ATP5PB: variants seen among roughly 807,000 people sequenced by gnomAD.
ATP5PB encodes the protein ATP synthase peripheral stalk subunit b, mitochondrial.
Under a neutral mutation model 34.5 loss-of-function variants are expected in ATP5PB, and 21 were observed. The ratio of observed to expected loss-of-function variants is 0.61; its 90% CI spans 0.43 to 0.88. The LOEUF (loss-of-function observed/expected upper bound fraction) is 0.88. ATP5PB is among the 40% of genes least tolerant of loss of function. The probability of loss-of-function intolerance (pLI) is 0.00; values close to 1 mark genes in which losing one functional copy is unlikely to be tolerated. For missense variants in ATP5PB, 293 were observed against 317.4 expected (o/e 0.92, Z 0.58); for synonymous variants, 108 against 114.1 (o/e 0.95, Z 0.34).
At chr1:111,452,713 G>A (rs1293291778) in intron 2 of ATP5PB, among the ~76,000 whole-genome samples, 3 of 152,208 alleles carry the variant, frequency 2.0e-5, no homozygotes, top group African/African-American at 7.2e-5. Flanking sequence ...TTAAATCAGT[G>A]CTTCTTAGCC....
At chr1:111,455,777 T>C (rs1452256670) in intron 3 of ATP5PB, among the ~76,000 whole-genome samples, 1 of 152,232 alleles carries the variant, frequency 6.6e-6, no homozygotes, top group Admixed American at 6.5e-5. Context: ...GGTATTGTGC[T>C]TAACATTATT....
Position 111,457,312 on chromosome 1 carries a change from AAC to A in ATP5PB, c.513+585_513+586del, listed in dbSNP as rs111663185. Reference sequence around the variant, plus strand: ...TAGGCAACAGAGCAAGACTCTCTCAAACACACACACACACACACACACACACA... The same window carrying A: ...TAGGCAACAGAGCAAGACTCTCTCAAACACACACACACACACACACACACA... On this transcript the variant is annotated intron_variant, in intron 5 of 6. Transcript: ENST00000369722. 5.7e-3 allele frequency among the ~76,000 whole-genome samples: 833 copies of A among 146,368 alleles called. 5 individuals are homozygous for A. The highest frequency in any genetic ancestry group is 0.016 in the African/African-American group (647 of 39,316).
At chr1:111,450,509 C>T (rs1653291534) in intron 2 of ATP5PB, among the ~76,000 whole-genome samples, 1 of 152,128 alleles carries the variant, frequency 6.6e-6, no homozygotes, top group African/African-American at 2.4e-5. Flanking sequence ...ACCTCAATTT[C>T]CTCATCTATA....
At position 111,456,254 on chromosome 1, in the gene ATP5PB, G is replaced by A; in HGVS notation, c.387+5G>A. 6.3e-7 allele frequency: 1 copy of A among 1,578,212 alleles called. No homozygotes were observed. The highest frequency in any genetic ancestry group is 1.9e-5 in the Admixed American group (1 of 52,160). On this transcript the variant is annotated splice_donor_5th_base_variant and intron_variant, in intron 4 of 6. Transcript: ENST00000369722. Reference sequence around the variant, plus strand: ...TTTGCTGATAAACTCAATGAGGTAAGAACCATAAACTTTATTTCCTATTTT... The same window carrying A: ...TTTGCTGATAAACTCAATGAGGTAAAAACCATAAACTTTATTTCCTATTTT...
At position 111,458,884 on chromosome 1, in the gene ATP5PB, GA is replaced by G. The variant is rs560509269; in HGVS notation, c.514-572del. Reference sequence around the variant, plus strand: ...GCCTCAGTTTCCTCACTGCAAAATGGATACAATTATAATAACTATGCCATGG... The same window carrying G: ...GCCTCAGTTTCCTCACTGCAAAATGGTACAATTATAATAACTATGCCATGG... On this transcript the variant is annotated intron_variant, in intron 5 of 6. Coordinates refer to ENST00000369722, the MANE Select transcript of ATP5PB (RefSeq NM_001688.5). 1.2e-3 allele frequency among the ~76,000 whole-genome samples: 178 copies of G among 152,210 alleles called. 1 individual carries two copies. Among genetic ancestry groups the G allele is most frequent in the African/African-American group, 4.0e-3 (167 of 41,498 alleles).
chr1:111,457,179 G>A (rs984763611), intron 5 of ATP5PB, among the ~76,000 whole-genome samples: 2 of 152,138 alleles, frequency 1.3e-5, no homozygotes, highest in Non-Finnish European at 2.9e-5. Flanking sequence ...AGGGCACAGT[G>A]GCTCACACCT....
intron 2 of ATP5PB, among the ~76,000 whole-genome samples, chr1:111,450,346 A>G (rs771335809): frequency 6.6e-6 from 1 of 152,254 alleles, no homozygotes; most frequent in Non-Finnish European, 1.5e-5. Flanking sequence ...TTGCCTAAAA[A>G]CATAACCAAG....
At chr1:111,456,848 G>C (rs879266795) in intron 5 of ATP5PB, 93 bp downstream of exon 5, 2 of 1,372,882 alleles carry the variant, frequency 1.5e-6, no homozygotes, top group Non-Finnish European at 1.9e-6. Context: ...TAAATAGATT[G>C]AACGTATTTT....
At chr1:111,459,078 A>G (rs1653550335) in intron 5 of ATP5PB, among the ~76,000 whole-genome samples, 1 of 152,208 alleles carries the variant, frequency 6.6e-6, no homozygotes, top group Non-Finnish European at 1.5e-5. Context: ...GAATTATAGA[A>G]TACCAGTATA....
At chr1:111,459,750 A>G (rs1381797904) in intron 6 of ATP5PB, 114 bp downstream of exon 6, 1 of 1,138,324 alleles carries the variant, frequency 8.8e-7, no homozygotes, top group South Asian at 1.7e-5. Flanking sequence ...TAGAAGTAGC[A>G]GTGTAACCCC....
At chr1:111,449,715 G>A in intron 1 of ATP5PB, 122 bp from the exon 2 acceptor site, 3 of 1,563,014 alleles carry the variant, frequency 1.9e-6, no homozygotes, top group Non-Finnish European at 2.6e-6. Flanking sequence ...GGAAGGGAGC[G>A]TGGGGTCTTG....
intron 2 of ATP5PB, among the ~76,000 whole-genome samples, chr1:111,450,267 G>C (rs1260980386): frequency 2.0e-5 from 3 of 152,182 alleles, no homozygotes; most frequent in Non-Finnish European, 4.4e-5. Flanking sequence ...CGGTTTCCCA[G>C]ATACCTAGTT....
intron 1 of ATP5PB, 123 bp from the exon 2 acceptor site, chr1:111,449,714 C>G: frequency 6.4e-7 from 1 of 1,558,898 alleles, no homozygotes; most frequent in Non-Finnish European, 8.8e-7. Flanking sequence ...CGGAAGGGAG[C>G]GTGGGGTCTT....
At chr1:111,459,179 C>A (rs976191559) in intron 5 of ATP5PB, among the ~76,000 whole-genome samples, 4 of 151,948 alleles carry the variant, frequency 2.6e-5, no homozygotes, top group African/African-American at 9.7e-5. Context: ...GATGGGTATA[C>A]CTATATTTTT....
intron 5 of ATP5PB, 119 bp from the exon 6 acceptor site, chr1:111,459,334 TTAAA>T: frequency 1.1e-6 from 1 of 916,718 alleles, no homozygotes; most frequent in Non-Finnish European, 1.6e-6. Flanking sequence ...ATATTACCTA[TTAAA>T]TAAAAGAATT....
intron 5 of ATP5PB, among the ~76,000 whole-genome samples, chr1:111,457,866 T>C (rs532627429): frequency 1.1e-4 from 16 of 152,340 alleles, no homozygotes; most frequent in African/African-American, 3.8e-4. Context: ...GGAGAATGCT[T>C]CCTGCTTCTT....
intron 6 of ATP5PB, 103 bp from the exon 7 acceptor site, chr1:111,460,814 G>A: frequency 2.2e-6 from 2 of 902,392 alleles, no homozygotes; most frequent in African/African-American, 1.7e-5. Flanking sequence ...TCATCTTGAG[G>A]TTCTGGTCTG....
rs1211495125 is a variant in ATP5PB at position 111,456,248 on chromosome 1, A to G, written c.386A>G (p.Glu129Gly). The G allele has an allele frequency of 1.4e-5, 22 of 1,583,042 alleles. No homozygotes were observed. The highest frequency in any genetic ancestry group is 1.8e-5 in the Non-Finnish European group (21 of 1,167,054). Residue 129 changes from glutamate to glycine, a missense_variant and splice_region_variant, in exon 4 of 7, where the codon GAG becomes GGG. Glu to Gly is a moderately conservative substitution (Grantham distance 98). Coordinates refer to ENST00000369722, the MANE Select transcript of ATP5PB (RefSeq NM_001688.5). ...GCAGACTTTGCTGATAAACTCAATG[A>G]GGTAAGAACCATAAACTTTATTTCC... The part of the protein sequence containing the change: ...FVADFADKLN[E>G]QKLAQLEEAK...
In ATP5PB at chr1:111,456,720, G is replaced by T; in HGVS notation, c.478G>T (p.Val160Phe). 1 of 1,612,876 alleles carries T rather than the reference G, an allele frequency of 6.2e-7. No homozygotes were observed. The highest frequency in any genetic ancestry group is 8.5e-7 in the Non-Finnish European group (1 of 1,179,580). Residue 160 changes from valine to phenylalanine, a missense_variant, in exon 5 of 7, where the codon GTT (valine) becomes TTT (phenylalanine). Physicochemically the swap from Val to Phe is conservative, Grantham distance 50 (BLOSUM62 -1). Coordinates refer to ENST00000369722, the MANE Select transcript of ATP5PB (RefSeq NM_001688.5). ...IDTEKSQQALVQKRHYLFDVQ... is the reference protein window; with the variant it reads ...IDTEKSQQALFQKRHYLFDVQ... Reference sequence around the variant, plus strand: ...TACGGAGAAGTCACAACAGGCACTGGTTCAGAAGCGCCATTACCTTTTTGA... The same window carrying T: ...TACGGAGAAGTCACAACAGGCACTGTTTCAGAAGCGCCATTACCTTTTTGA...
Sources: gnomAD v4.1 joint callset for allele counts (sites outside exome capture counted in the v4.1 genomes callset) on GRCh38, gnomAD v4.1.1 for gene constraint, MANE v1.5 for transcripts, NCBI Gene and HGNC (gene_info 2026-07-23, HGNC 2026-07-21) for gene names.